PTPRG: variants seen among roughly 807,000 people sequenced by gnomAD.
PTPRG encodes the protein protein tyrosine phosphatase receptor type G.
A neutral mutation model predicts 165.3 loss-of-function variants in PTPRG; 102 were observed. The ratio of observed to expected loss-of-function variants is 0.62; its 90% CI spans 0.53 to 0.73. PTPRG has a LOEUF of 0.73. PTPRG is among the 30% of genes least tolerant of loss of function. The probability of loss-of-function intolerance (pLI) is 0.00; values close to 1 mark genes in which losing one functional copy is unlikely to be tolerated. For synonymous variants in PTPRG, 675 were observed against 669.5 expected (o/e 1.01, Z -0.13); for missense variants, 1,866 against 1,861.4 (o/e 1.00, Z -0.05).
chr3:61,951,773 G>A (rs530793331), intron 2 of PTPRG, among the ~76,000 whole-genome samples: 1 of 152,292 alleles, frequency 6.6e-6, no homozygotes, highest in Admixed American at 6.5e-5. Flanking sequence ...TTGATTCTGT[G>A]AAGTGCTCTT....
chr3:61,642,233 C>A (rs531787577), intron 1 of PTPRG, among the ~76,000 whole-genome samples: 2 of 152,276 alleles, frequency 1.3e-5, no homozygotes, highest in East Asian at 3.9e-4. Context: ...ATGCCTCTCT[C>A]TCCTTGGGGC....
intron 2 of PTPRG, among the ~76,000 whole-genome samples, chr3:61,784,409 T>A (rs920104152): frequency 3.3e-5 from 5 of 152,242 alleles, no homozygotes; most frequent in African/African-American, 7.2e-5. Flanking sequence ...TTTTTGATTC[T>A]ATAAAGACAT....
intron 6 of PTPRG, among the ~76,000 whole-genome samples, chr3:62,155,719 A>T (rs1312671774): frequency 5.9e-5 from 9 of 152,224 alleles, no homozygotes; most frequent in African/African-American, 1.9e-4. Context: ...GGGTTTTTGC[A>T]TTATCCCCTA....
At chr3:61,928,823 A>T (rs2039289103) in intron 2 of PTPRG, among the ~76,000 whole-genome samples, 1 of 152,228 alleles carries the variant, frequency 6.6e-6, no homozygotes, top group South Asian at 2.1e-4. Context: ...GACAGTCTAT[A>T]GATGTAATAA....
At chr3:61,692,896 T>G (rs2030314525) in intron 1 of PTPRG, among the ~76,000 whole-genome samples, 1 of 152,178 alleles carries the variant, frequency 6.6e-6, no homozygotes, top group South Asian at 2.1e-4. Context: ...AATTGAAAGA[T>G]TCATGACAAA....
intron 2 of PTPRG, among the ~76,000 whole-genome samples, chr3:61,803,516 A>G (rs2035320440): frequency 1.7e-5 from 2 of 118,582 alleles, no homozygotes; most frequent in Non-Finnish European, 3.6e-5. Context: ...ACAACATGTA[A>G]TGCCTCAAAC....
intron 5 of PTPRG, among the ~76,000 whole-genome samples, chr3:62,084,415 G>A (rs549319712): frequency 7.9e-5 from 12 of 152,172 alleles, no homozygotes; most frequent in Admixed American, 7.2e-4. Context: ...GTAGTCCTTT[G>A]GTTTTTCCCT....
Position 62,219,078 on chromosome 3 carries a change from A to G in PTPRG, c.2288+95A>G. 1.3e-6 allele frequency: 2 copies of G among 1,487,188 alleles called. No individual in the cohort carries two copies. The highest frequency in any genetic ancestry group is 1.3e-5 in the South Asian group (1 of 76,928). 92.1% of individuals were successfully genotyped at this position (1,487,188 alleles called of 1,614,324 possible). A position where few individuals can be genotyped will look rare whatever the true frequency, so the allele number is the denominator to read the frequency against. On this transcript the variant is annotated intron_variant, in intron 13 of 29. Coordinates refer to ENST00000474889, the MANE Select transcript of PTPRG (RefSeq NM_002841.4). This position sits in a 1 kb window ranked among gnomAD's most constrained non-coding sequence, Gnocchi z 4.5. ...GAATCCCACGGCCTCTGCATTCAGG[A>G]AGGTGAGGTAGCTTAAGTGTTTCTG... is the stretch of plus-strand genomic sequence containing the variant.
chr3:62,207,711 CAT>C (rs1244927116), intron 12 of PTPRG, among the ~76,000 whole-genome samples: 5 of 152,124 alleles, frequency 3.3e-5, no homozygotes, highest in African/African-American at 1.2e-4. Flanking sequence ...TGTTTCATAA[CAT>C]ATTTTTAAGT....
At chr3:61,866,135 AG>A (rs2037401037) in intron 2 of PTPRG, among the ~76,000 whole-genome samples, 1 of 152,208 alleles carries the variant, frequency 6.6e-6, no homozygotes, top group Non-Finnish European at 1.5e-5. Context: ...TAAGTCATGC[AG>A]CACCGGTCCT....
chr3:61,713,362 G>A (rs1297683576), intron 1 of PTPRG, among the ~76,000 whole-genome samples: 2 of 147,658 alleles, frequency 1.4e-5, no homozygotes, highest in African/African-American at 5.0e-5. Context: ...TAGTAGAGAC[G>A]GGGTTTCACC....
At chr3:61,979,586 A>ATT (rs1429142165) in intron 2 of PTPRG, among the ~76,000 whole-genome samples, 1 of 151,952 alleles carries the variant, frequency 6.6e-6, no homozygotes, top group Non-Finnish European at 1.5e-5. Context: ...AATCCCTCTA[A>ATT]TTTTTTTCCT....
intron 1 of PTPRG, among the ~76,000 whole-genome samples, chr3:61,654,090 T>G (rs17670940): frequency 0.34 from 52,131 of 152,034 alleles, 10,202 homozygotes; most frequent in East Asian, 0.44. Context: ...CCTAATCTCT[T>G]CGGACCTCAG....
chr3:61,618,812 A>G (rs1701370872), intron 1 of PTPRG, among the ~76,000 whole-genome samples: 1 of 152,028 alleles, frequency 6.6e-6, no homozygotes, highest in Non-Finnish European at 1.5e-5. Flanking sequence ...GTTATTATAA[A>G]GAGTACTTTT....
chr3:62,089,484 G>A (rs921376328), intron 5 of PTPRG, among the ~76,000 whole-genome samples: 2 of 152,168 alleles, frequency 1.3e-5, no homozygotes, highest in South Asian at 2.1e-4. Context: ...TTGCAAGAAC[G>A]TCCATGATAG....
chr3:62,163,772 AC>A (rs1470294482), intron 7 of PTPRG, among the ~76,000 whole-genome samples: 8 of 152,366 alleles, frequency 5.3e-5, no homozygotes, highest in African/African-American at 1.9e-4. Flanking sequence ...TTGAATAGTT[AC>A]AAAAACCACA....
chr3:62,026,077 G>A (rs1361561704), intron 4 of PTPRG, among the ~76,000 whole-genome samples: 3 of 152,224 alleles, frequency 2.0e-5, no homozygotes, highest in African/African-American at 7.2e-5. Context: ...CTTAAGCCTG[G>A]GTAATCAATG....
At chr3:62,138,147 C>T (rs1703784283) in intron 6 of PTPRG, among the ~76,000 whole-genome samples, 1 of 152,194 alleles carries the variant, frequency 6.6e-6, no homozygotes, top group African/African-American at 2.4e-5. Context: ...TGCCGTTTTA[C>T]AACCCATTTT....
chr3:62,047,769 A>G (rs1700344033), intron 4 of PTPRG, among the ~76,000 whole-genome samples: 1 of 152,200 alleles, frequency 6.6e-6, no homozygotes, highest in African/African-American at 2.4e-5. Context: ...CCTTCGTCCT[A>G]GATATAAATC....
Sources: gnomAD v4.1 joint callset for allele counts (sites outside exome capture counted in the v4.1 genomes callset) on GRCh38, gnomAD v4.1.1 for gene constraint, Gnocchi (gnomAD v3.1) non-coding constraint, MANE v1.5 for transcripts, NCBI Gene and HGNC (gene_info 2026-07-23, HGNC 2026-07-21) for gene names.